SNX32: variants seen among roughly 807,000 people sequenced by gnomAD.
SNX32 encodes the protein sorting nexin-32.
In SNX32, 58 loss-of-function variants were observed where a neutral mutation model predicts 57.0. That is an observed-to-expected ratio of 1.02 (90% CI 0.82 to 1.27). The LOEUF (loss-of-function observed/expected upper bound fraction) is 1.27, where lower values mean the gene tolerates loss of function less well. Among genes scored for constraint, SNX32 ranks in the 50% most tolerant of loss-of-function variants. SNX32 has a pLI of 0.00. For missense variants in SNX32, 589 were observed against 541.2 expected, an observed-to-expected ratio of 1.09 and a Z score of -0.88; for synonymous variants, 262 against 220.4, an observed-to-expected ratio of 1.19 and a Z score of -1.67.
rs748010209 is a variant in SNX32 at position 65,850,516 on chromosome 11, G to A, written c.460G>A (p.Asp154Asn). The A allele has an allele frequency of 6.2e-7, 1 of 1,613,436 alleles. No individual in the cohort carries two copies. Among genetic ancestry groups the A allele is most frequent in the Non-Finnish European group, 8.5e-7 (1 of 1,179,734 alleles). Residue 154 changes from aspartate to asparagine, a missense_variant, in exon 5 of 13, where the codon GAC (aspartate) becomes AAC (asparagine). Transcript: ENST00000308342. ...GGCGGCCCACCCCACCCTGCGTCGA[G>A]ACCACAACTTCTTTGTGTTTTTGGA... ...RLAAHPTLRRDHNFFVFLEYG... is the reference protein window; with the variant it reads ...RLAAHPTLRRNHNFFVFLEYG...
chr11:65,836,452 G>A (rs765155013), intron 1 of SNX32, among the ~76,000 whole-genome samples: 8 of 150,816 alleles, frequency 5.3e-5, no homozygotes, highest in Non-Finnish European at 1.0e-4. Flanking sequence ...ACTGAGACAG[G>A]AGAATAGCTT....
chr11:65,852,689 G>A lies in SNX32; in HGVS notation c.972G>A (p.Leu324=). 3.8e-6 allele frequency: 6 copies of A among 1,597,184 alleles called. No individual in the cohort carries two copies. The highest frequency in any genetic ancestry group is 5.1e-6 in the Non-Finnish European group (6 of 1,175,158). Residue 324 remains leucine (L), a synonymous_variant, in exon 11 of 13, where the codon CTG becomes CTA. Coordinates refer to ENST00000308342, the MANE Select transcript of SNX32 (RefSeq NM_152760.3). ...ACTACGAGAATGCCAACAAGGCGCT[G>A]GACAAGGCGCGCACCAGGAACCGGG... ...LADYENANKA[L]DKARTRNREV...
At chr11:65,838,568 G>A (rs1290751323) in intron 1 of SNX32, among the ~76,000 whole-genome samples, 1 of 151,968 alleles carries the variant, frequency 6.6e-6, no homozygotes, top group Admixed American at 6.6e-5. Context: ...GTTAGAACAA[G>A]CAGACAAAAA....
At chr11:65,848,407 TAA>T (rs779856056) in intron 1 of SNX32, among the ~76,000 whole-genome samples, 59 of 114,798 alleles carry the variant, frequency 5.1e-4, no homozygotes, top group Middle Eastern at 4.6e-3. Flanking sequence ...ACTCTGTCTC[TAA>T]AAAAAAAAAA....
At chr11:65,853,082 T>C (rs932174846) in intron 12 of SNX32, 124 bp downstream of exon 12, 83 of 1,280,670 alleles carry the variant, frequency 6.5e-5, no homozygotes, top group African/African-American at 5.9e-5. Flanking sequence ...TGTGTGTGCA[T>C]GAGAGGAGCC....
rs758073277 is a variant in SNX32 at position 65,852,690 on chromosome 11, G to A, written c.973G>A (p.Asp325Asn). ...CTACGAGAATGCCAACAAGGCGCTG[G>A]ACAAGGCGCGCACCAGGAACCGGGA... ...ADYENANKAL[D>N]KARTRNREVR... Residue 325 changes from aspartate to asparagine, a missense_variant, in exon 11 of 13, where the codon GAC becomes AAC. Transcript: ENST00000308342. 1 of 1,596,798 alleles carries A rather than the reference G, an allele frequency of 6.3e-7. No individual in the cohort carries two copies. The highest frequency in any genetic ancestry group is 1.1e-5 in the South Asian group (1 of 90,052).
chr11:65,851,549 G>A (rs963665525), intron 8 of SNX32, 91 bp from the exon 9 acceptor site: 1 of 1,551,120 alleles, frequency 6.4e-7, no homozygotes, highest in Non-Finnish European at 8.9e-7. Flanking sequence ...AAGGAAAGGG[G>A]AGAGGGAGAT....
chr11:65,838,556 C>G (rs1489814989), intron 1 of SNX32, among the ~76,000 whole-genome samples: 1 of 152,130 alleles, frequency 6.6e-6, no homozygotes, highest in Non-Finnish European at 1.5e-5. Context: ...TTCTCAACAA[C>G]TGTTAGAACA....
chr11:65,850,697 G>A lies in SNX32; in HGVS notation c.499-54G>A, dbSNP rs528640576. 7.5e-6 allele frequency: 12 copies of A among 1,590,646 alleles called. No individual in the cohort carries two copies. The South Asian group carries it at 1.1e-4, about 15-fold the overall frequency. On this transcript the variant is annotated intron_variant, in intron 5 of 12. Transcript: ENST00000308342. ...AGCTCCGTGAGTGGCTTGCAACTTG[G>A]GGTGGGAGGTGAGAACGCCCACCCC...
At chr11:65,852,365 C>A (rs11606103) in intron 9 of SNX32, 100 bp from the exon 10 acceptor site, 2 of 1,075,926 alleles carry the variant, frequency 1.9e-6, no homozygotes, top group Non-Finnish European at 2.9e-6. Context: ...GAACAGTTAC[C>A]TAAGGCTTCT....
In SNX32 at chr11:65,851,689, G is replaced by GC; in HGVS notation, c.825+12dup. ...CTTTGAACGGCTGAGGGTGAGTACT[G>GC]CCTTCTGTGCTCAAAGGCTTTCCTG... On this transcript the variant is annotated intron_variant, in intron 9 of 12. Transcript: ENST00000308342. 1 of 1,613,994 alleles carries GC rather than the reference G, an allele frequency of 6.2e-7. No homozygotes were observed. Among genetic ancestry groups the GC allele is most frequent in the Non-Finnish European group, 8.5e-7 (1 of 1,179,904 alleles).
intron 1 of SNX32, among the ~76,000 whole-genome samples, chr11:65,842,775 C>T (rs185241626): frequency 3.0e-4 from 45 of 151,518 alleles, no homozygotes; most frequent in African/African-American, 9.9e-4. Context: ...CATAGTGAAA[C>T]CCCGTCTCTA....
At position 65,852,931 on chromosome 11, in the gene SNX32, G is replaced by A. The variant is rs1859262555; in HGVS notation, c.1131G>A (p.Leu377=). 6.2e-7 allele frequency: 1 copy of A among 1,614,168 alleles called. No homozygotes were observed. The highest frequency in any genetic ancestry group is 1.7e-5 in the Admixed American group (1 of 60,026). The change falls in exon 12 of 13, where the codon CTG becomes CTA. Residue 377 remains leucine (L), a synonymous_variant. Coordinates refer to ENST00000308342, the MANE Select transcript of SNX32 (RefSeq NM_152760.3). ...CTTTTCGAAAGAATCTCATTGAGCT[G>A]GCAGAGCTGGAGCTCAAACACGCCA... The part of the protein sequence containing the change: ...VSSFRKNLIE[L]AELELKHAKA...
At chr11:65,852,606 G>C in intron 10 of SNX32, 24 bp from the exon 11 acceptor site, 1 of 1,613,496 alleles carries the variant, frequency 6.2e-7, no homozygotes, top group Non-Finnish European at 8.5e-7. Flanking sequence ...CAGGGCAGCA[G>C]TGACCCTGTG....
At chr11:65,834,944 G>A in intron 1 of SNX32, among the ~76,000 whole-genome samples, 1 of 151,230 alleles carries the variant, frequency 6.6e-6, no homozygotes, top group Admixed American at 6.6e-5. Flanking sequence ...GTGTGCATCT[G>A]TGTGTGTCTG....
chr11:65,847,315 A>T (rs979664102), intron 1 of SNX32, among the ~76,000 whole-genome samples: 42 of 152,022 alleles, frequency 2.8e-4, no homozygotes, highest in African/African-American at 8.0e-4. Context: ...TTAAAAAAAA[A>T]TTTTTAAATT....
intron 1 of SNX32, among the ~76,000 whole-genome samples, chr11:65,837,508 T>C (rs899294065): frequency 1.4e-4 from 22 of 152,008 alleles, no homozygotes; most frequent in African/African-American, 5.3e-4. Flanking sequence ...AGTAAGACCT[T>C]GTCTTTAAAA....
At position 65,853,061 on chromosome 11, in the gene SNX32, A is replaced by G. The variant is rs534394420; in HGVS notation, c.1158+103A>G. 1.1e-4 allele frequency: 155 copies of G among 1,350,414 alleles called. 1 individual carries two copies. Among genetic ancestry groups the G allele is most frequent in the Middle Eastern group, 3.8e-4 (2 of 5,264 alleles). 83.7% of individuals were successfully genotyped at this position (1,350,414 alleles called of 1,614,324 possible). A position where few individuals can be genotyped will look rare whatever the true frequency, so the allele number is the denominator to read the frequency against. On this transcript the variant is annotated intron_variant, in intron 12 of 12. Coordinates refer to ENST00000308342, the MANE Select transcript of SNX32 (RefSeq NM_152760.3). The stretch of plus-strand genomic sequence containing the variant: ...TGCGTGCATGTGAGGGTGTGCACGC[A>G]TGTATGCGCGTGTGTGTGCATGAGA...
intron 1 of SNX32, among the ~76,000 whole-genome samples, chr11:65,834,315 A>G (rs1046273413): frequency 1.8e-4 from 26 of 141,260 alleles, no homozygotes; most frequent in Admixed American, 7.7e-4. Flanking sequence ...GTGTGTGTGT[A>G]TCTGTGTATG....
Sources: gnomAD v4.1 joint callset for allele counts (sites outside exome capture counted in the v4.1 genomes callset) on GRCh38, gnomAD v4.1.1 for gene constraint, MANE v1.5 for transcripts, NCBI Gene and HGNC (gene_info 2026-07-23, HGNC 2026-07-21) for gene names.